Variants in RIN2 observed in about 807,000 individuals in gnomAD.
RIN2 encodes Ras and Rab interactor 2, also known as RAB5 interacting protein 2.
A neutral mutation model predicts 78.0 loss-of-function variants in RIN2; 36 were observed. The observed-to-expected ratio is 0.46, with a 90% confidence interval of 0.35 to 0.61. The LOEUF (loss-of-function observed/expected upper bound fraction) is 0.61, where lower values mean the gene tolerates loss of function less well. Among genes scored for constraint, RIN2 ranks in the 20% least tolerant of loss-of-function variants. The pLI, the probability that RIN2 is intolerant of heterozygous loss-of-function variation, is 0.00. For missense variants in RIN2, 1,087 were observed against 1,159.7 expected, an observed-to-expected ratio of 0.94 and a Z score of 0.91; for synonymous variants, 466 against 466.8, an observed-to-expected ratio of 1.00 and a Z score of 0.02.
At chr20:19,969,783 C>A (rs887807979) in intron 7 of RIN2, among the ~76,000 whole-genome samples, 29 of 152,112 alleles carry the variant, frequency 1.9e-4, no homozygotes, top group Admixed American at 1.2e-3. Flanking sequence ...AACAAACAAA[C>A]AAACCCTCCT....
chr20:19,771,569 T>C (rs1372341057), intron 1 of RIN2, among the ~76,000 whole-genome samples: 3 of 152,160 alleles, frequency 2.0e-5, no homozygotes, highest in African/African-American at 7.2e-5. Flanking sequence ...TTCACGGCTG[T>C]CGGTCTCGAG....
At chr20:19,961,817 C>A (rs577116324) in intron 6 of RIN2, among the ~76,000 whole-genome samples, 11 of 152,184 alleles carry the variant, frequency 7.2e-5, no homozygotes, top group African/African-American at 2.6e-4. Flanking sequence ...GAAAAACTTC[C>A]CCCTGAAAGG....
At chr20:19,822,512 A>T (rs1600537921) in intron 2 of RIN2, among the ~76,000 whole-genome samples, 1 of 152,182 alleles carries the variant, frequency 6.6e-6, no homozygotes, top group African/African-American at 2.4e-5. Context: ...TCTCTTGCTC[A>T]TCTTTCCCTG....
At chr20:19,986,868 T>G (rs1418190922) in intron 9 of RIN2, among the ~76,000 whole-genome samples, 4 of 152,194 alleles carry the variant, frequency 2.6e-5, no homozygotes, top group Non-Finnish European at 5.9e-5. Context: ...CTCAACAGAA[T>G]TTTACACACA....
chr20:19,825,449 C>T (rs1255890504), intron 2 of RIN2, among the ~76,000 whole-genome samples: 3 of 152,202 alleles, frequency 2.0e-5, no homozygotes, highest in South Asian at 4.1e-4. Context: ...CTCTCCTGCC[C>T]TACTCCTCTC....
chr20:19,934,744 G>T (rs534962428), intron 3 of RIN2: 4 of 321,600 alleles, frequency 1.2e-5, no homozygotes, highest in Non-Finnish European at 1.8e-5. Flanking sequence ...ATTGAGGCCC[G>T]GTTTTGCCAG....
In RIN2 at chr20:19,935,149, G is replaced by A. The variant is rs1465657216; in HGVS notation, c.108G>A (p.Val36=). The change falls in exon 4 of 13, where the codon GTG becomes GTA. Residue 36 remains valine (V), a synonymous_variant. Transcript: ENST00000255006. The part of the protein sequence containing the change: ...SEIGELKQEM[V]RTDVNLENGL... ...TCGGAGAACTGAAACAGGAGATGGT[G>A]CGGACAGATGTCAACCTGGAAAATG... is the stretch of plus-strand genomic sequence containing the variant. The A allele has an allele frequency of 1.2e-6, 2 of 1,604,736 alleles. No individual in the cohort carries two copies. Among genetic ancestry groups the A allele is most frequent in the South Asian group, 1.1e-5 (1 of 89,026 alleles).
At chr20:19,902,961 C>T (rs997309652) in intron 3 of RIN2, among the ~76,000 whole-genome samples, 1 of 151,894 alleles carries the variant, frequency 6.6e-6, no homozygotes, top group Non-Finnish European at 1.5e-5. Flanking sequence ...GGCATGGTGG[C>T]GGGCCCCTGT....
At chr20:19,928,021 G>A (rs898732814) in intron 3 of RIN2, among the ~76,000 whole-genome samples, 12 of 152,252 alleles carry the variant, frequency 7.9e-5, no homozygotes, top group South Asian at 2.1e-4. Flanking sequence ...TCCTGCCTCC[G>A]CCTTCGGAGT....
Position 20,000,475 on chromosome 20 carries a change from C to T in RIN2, c.2365-138C>T. On this transcript the variant is annotated intron_variant, in intron 12 of 12. Transcript: ENST00000255006. ...CAGCCTCTTTCCTTGCCATTCGAAG[C>T]CTCGTGGCCTGACATCGGACATTAT... The T allele has an allele frequency of 4.6e-6, 3 of 658,142 alleles. No homozygotes were observed. In the South Asian group the frequency reaches 6.6e-5, roughly 14 times the overall value. The allele number at this position is 658,142 out of a possible 1,614,324, so 40.8% of individuals were successfully genotyped here.
chr20:19,867,067 CAA>C (rs2037532595), intron 2 of RIN2, among the ~76,000 whole-genome samples: 1 of 151,826 alleles, frequency 6.6e-6, no homozygotes. Context: ...CAAATTTACA[CAA>C]AGTTTGCAAG....
At chr20:19,966,638 G>T (rs925643892) in intron 7 of RIN2, among the ~76,000 whole-genome samples, 1 of 152,056 alleles carries the variant, frequency 6.6e-6, no homozygotes, top group Non-Finnish European at 1.5e-5. Context: ...CCACTAAGCC[G>T]TTCACCCTCT....
At chr20:19,837,439 C>T (rs997491296) in intron 2 of RIN2, among the ~76,000 whole-genome samples, 1 of 152,196 alleles carries the variant, frequency 6.6e-6, no homozygotes, top group African/African-American at 2.4e-5. Context: ...GAAATAGTCT[C>T]TTGTTGTCAG....
intron 1 of RIN2, among the ~76,000 whole-genome samples, chr20:19,786,717 G>A (rs2034688792): frequency 1.3e-5 from 2 of 152,218 alleles, no homozygotes; most frequent in Non-Finnish European, 2.9e-5. Flanking sequence ...TCATTTCTAG[G>A]GAAAGTGTAG....
At chr20:19,844,656 T>TCTTC (rs1555832256) in intron 2 of RIN2, among the ~76,000 whole-genome samples, 4 of 138,956 alleles carry the variant, frequency 2.9e-5, no homozygotes, top group African/African-American at 8.4e-5. Context: ...TTCTTCTTCT[T>TCTTC]CTTCTTCTTC....
intron 2 of RIN2, among the ~76,000 whole-genome samples, chr20:19,878,978 T>G (rs2037938995): frequency 6.6e-6 from 1 of 152,128 alleles, no homozygotes; most frequent in Non-Finnish European, 1.5e-5. Context: ...GAGTCAGACG[T>G]CTGAACAAGA....
At chr20:19,943,105 C>G (rs551025765) in intron 4 of RIN2, among the ~76,000 whole-genome samples, 1 of 152,356 alleles carries the variant, frequency 6.6e-6, no homozygotes, top group Admixed American at 6.5e-5. Context: ...GGGACCAAGA[C>G]TGGAGCCCGC....
intron 2 of RIN2, among the ~76,000 whole-genome samples, chr20:19,875,816 G>A (rs11087293): frequency 0.16 from 24,572 of 152,104 alleles, 2,492 homozygotes; most frequent in East Asian, 0.27. Flanking sequence ...GACAGACAGT[G>A]GGGATGCACA....
At chr20:19,829,243 GA>G (rs2036182523) in intron 2 of RIN2, among the ~76,000 whole-genome samples, 1 of 152,164 alleles carries the variant, frequency 6.6e-6, no homozygotes, top group African/African-American at 2.4e-5. Context: ...CAGGAAGACA[GA>G]AGAGAAGATG....
Sources: allele counts gnomAD v4.1 joint callset (sites outside exome capture counted in the v4.1 genomes callset), GRCh38; gene constraint gnomAD v4.1.1; transcripts MANE v1.5; gene names NCBI Gene and HGNC (gene_info 2026-07-23, HGNC 2026-07-21).